The following MCC variants were observed in gnomAD, a reference collection of about 807,000 sequenced individuals.
MCC encodes the protein MCC regulator of Wnt signaling pathway, also known as colorectal mutant cancer protein.
Under a neutral mutation model 116.2 loss-of-function variants are expected in MCC, and 90 were observed. The ratio of observed to expected loss-of-function variants is 0.77; its 90% CI spans 0.65 to 0.92. The LOEUF (loss-of-function observed/expected upper bound fraction) is 0.92, where lower values mean the gene tolerates loss of function less well. MCC is among the 40% of genes least tolerant of loss of function. The pLI, the probability that MCC is intolerant of heterozygous loss-of-function variation, is 0.00. For missense variants in MCC, 1,516 were observed against 1,312.2 expected (o/e 1.16, Z -2.40); for synonymous variants, 578 against 510.5 (o/e 1.13, Z -1.78).
rs562154937 is a variant in MCC at position 113,208,011 on chromosome 5, T to C, written c.628-56589A>G. Among the ~76,000 whole-genome samples the C allele has an allele frequency of 2.0e-5, 3 of 152,170 alleles. No homozygotes were observed. The East Asian group carries it at 5.8e-4, about 30-fold the overall frequency. Reference sequence around the variant, plus strand: ...GCTAAATGCTTACTCATATGCAATATCTGCTTGTCAAAGGTAGCACAGATA... The same window carrying C: ...GCTAAATGCTTACTCATATGCAATACCTGCTTGTCAAAGGTAGCACAGATA... On this transcript the variant is annotated intron_variant, in intron 3 of 18. Transcript: ENST00000408903.
chr5:113,170,936 G>A (rs980539745), intron 3 of MCC, among the ~76,000 whole-genome samples: 6 of 152,048 alleles, frequency 3.9e-5, no homozygotes, highest in Non-Finnish European at 8.8e-5. Context: ...CACACTGGGC[G>A]TTCTGCATCC....
intron 3 of MCC, among the ~76,000 whole-genome samples, chr5:113,184,879 T>A (rs1465050166): frequency 6.6e-6 from 1 of 152,166 alleles, no homozygotes; most frequent in East Asian, 1.9e-4. Context: ...CTTAACTTTG[T>A]ATAAAGTACT....
chr5:113,031,421 A>AAC (rs1304378209), intron 17 of MCC, among the ~76,000 whole-genome samples: 1 of 72,970 alleles, frequency 1.4e-5, no homozygotes, highest in Non-Finnish European at 2.9e-5. Flanking sequence ...CCCGCCCCCC[A>AAC]ACACCTCCTC....
At chr5:113,235,875 T>C (rs1368546501) in intron 3 of MCC, among the ~76,000 whole-genome samples, 1 of 152,246 alleles carries the variant, frequency 6.6e-6, no homozygotes, top group African/African-American at 2.4e-5. Context: ...AACTGGAGTC[T>C]GAACATATAT....
chr5:113,261,344 T>G (rs897942866), intron 3 of MCC, among the ~76,000 whole-genome samples: 4 of 152,208 alleles, frequency 2.6e-5, no homozygotes, highest in Non-Finnish European at 5.9e-5. Flanking sequence ...CTACTGTATT[T>G]GCTTTAGCAC....
chr5:113,223,038 G>A (rs935799804), intron 3 of MCC, among the ~76,000 whole-genome samples: 2 of 152,216 alleles, frequency 1.3e-5, no homozygotes, highest in African/African-American at 4.8e-5. Flanking sequence ...CTGTGAGGAA[G>A]TCAAAATGTG....
At chr5:113,329,213 A>C (rs1767636588) in intron 3 of MCC, among the ~76,000 whole-genome samples, 1 of 152,148 alleles carries the variant, frequency 6.6e-6, no homozygotes, top group African/African-American at 2.4e-5. Flanking sequence ...TATTAGCAAC[A>C]CCAAAAGAAA....
intron 1 of MCC, among the ~76,000 whole-genome samples, chr5:113,485,480 A>T (rs1772494857): frequency 6.6e-6 from 1 of 152,162 alleles, no homozygotes; most frequent in African/African-American, 2.4e-5. Context: ...ATGTAGTTTG[A>T]CCAATAAGAT....
chr5:113,406,481 G>A (rs193185261), intron 1 of MCC, among the ~76,000 whole-genome samples: 24 of 152,238 alleles, frequency 1.6e-4, no homozygotes, highest in East Asian at 3.9e-4. Flanking sequence ...TAAACGTAAC[G>A]CAGATTCTCC....
At chr5:113,122,251 T>C (rs1757777641) in intron 6 of MCC, among the ~76,000 whole-genome samples, 1 of 152,206 alleles carries the variant, frequency 6.6e-6, no homozygotes, top group Non-Finnish European at 1.5e-5. Flanking sequence ...ATTCTCTTAG[T>C]CACTTAGGAA....
At chr5:113,429,103 G>T (rs1013089714) in intron 1 of MCC, among the ~76,000 whole-genome samples, 1 of 152,138 alleles carries the variant, frequency 6.6e-6, no homozygotes, top group South Asian at 2.1e-4. Flanking sequence ...TTTTGAGGGG[G>T]AGTGTTGTAT....
At chr5:113,404,828 G>C (rs1208659679) in intron 1 of MCC, among the ~76,000 whole-genome samples, 1 of 151,992 alleles carries the variant, frequency 6.6e-6, no homozygotes, top group Non-Finnish European at 1.5e-5. Context: ...AAAAAAAAAG[G>C]CAGGTGCAGA....
intron 3 of MCC, among the ~76,000 whole-genome samples, chr5:113,177,707 A>G (rs957764759): frequency 2.0e-5 from 3 of 152,170 alleles, no homozygotes; most frequent in Non-Finnish European, 4.4e-5. Flanking sequence ...TTTAAAATCC[A>G]TGTTTGCATT....
intron 3 of MCC, among the ~76,000 whole-genome samples, chr5:113,237,623 C>A (rs138148700): frequency 2.0e-5 from 3 of 152,138 alleles, no homozygotes; most frequent in African/African-American, 7.2e-5. Context: ...CAGGGGAAAA[C>A]GGGCCGGCTG....
At chr5:113,289,255 C>T (rs981292091) in intron 3 of MCC, among the ~76,000 whole-genome samples, 3 of 147,888 alleles carry the variant, frequency 2.0e-5, no homozygotes, top group Middle Eastern at 3.6e-3. Context: ...TGCTTGATCC[C>T]GGGAGGCAGG....
chr5:113,132,423 C>CATATATATATATAT (rs68059886), intron 5 of MCC, among the ~76,000 whole-genome samples: 1 of 130,190 alleles, frequency 7.7e-6, no homozygotes, highest in African/African-American at 3.2e-5. Context: ...TATATACACA[C>CATATATATATATAT]ATACATATAT....
At chr5:113,264,999 C>T (rs1246787730) in intron 3 of MCC, among the ~76,000 whole-genome samples, 1 of 152,038 alleles carries the variant, frequency 6.6e-6, no homozygotes, top group Non-Finnish European at 1.5e-5. Flanking sequence ...CAAGATCACG[C>T]CACTGCTCTC....
intron 12 of MCC, among the ~76,000 whole-genome samples, chr5:113,069,750 T>A (rs546909053): frequency 4.0e-5 from 6 of 149,532 alleles, no homozygotes; most frequent in South Asian, 2.1e-4. Context: ...CCTGGCTAAC[T>A]TTTTTTTTTG....
chr5:113,460,638 ATCAAAAGATGCTCACAGAGT>A (rs2150425310), intron 1 of MCC, among the ~76,000 whole-genome samples: 1 of 152,312 alleles, frequency 6.6e-6, no homozygotes, highest in South Asian at 2.1e-4. Context: ...CTCACAGAGC[ATCAAAAGATGCTCACAGAGT>A]TCAAAAGAGA....
Sources: gnomAD v4.1 joint callset for allele counts (sites outside exome capture counted in the v4.1 genomes callset) on GRCh38, gnomAD v4.1.1 for gene constraint, MANE v1.5 for transcripts, NCBI Gene and HGNC (gene_info 2026-07-23, HGNC 2026-07-21) for gene names.